The following TANC2 variants were observed in gnomAD, a reference collection of about 807,000 sequenced individuals.
The protein encoded by TANC2 is protein TANC2.
TANC2 carries 26 observed loss-of-function variants against 210.5 expected under a neutral mutation model. The observed-to-expected ratio is 0.12, with a 90% CI of 0.09 to 0.17. The LOEUF (loss-of-function observed/expected upper bound fraction) is 0.17, where lower values mean the gene tolerates loss of function less well. Among genes scored for constraint, TANC2 ranks in the 10% least tolerant of loss-of-function variants. The pLI is 1.00. For synonymous variants in TANC2, 931 were observed against 967.1 expected (o/e 0.96, Z 0.69); for missense variants, 2,129 against 2,608.9 (o/e 0.82, Z 4.01).
At chr17:63,129,253 C>T (rs1221204978) in intron 4 of TANC2, among the ~76,000 whole-genome samples, 1 of 152,256 alleles carries the variant, frequency 6.6e-6, no homozygotes, top group Admixed American at 6.5e-5. Flanking sequence ...GACCTCCTGC[C>T]TCGGCCTCCC....
chr17:63,061,526 T>C (rs2035995967), intron 2 of TANC2, among the ~76,000 whole-genome samples: 1 of 152,148 alleles, frequency 6.6e-6, no homozygotes, highest in Admixed American at 6.5e-5. Flanking sequence ...TTGAAATACA[T>C]AGTTTCAAGT....
Position 63,416,108 on chromosome 17 carries a change from A to G in TANC2, c.4167+434A>G, listed in dbSNP as rs182468289. Among the ~76,000 whole-genome samples, 66 of 152,304 alleles carry G rather than the reference A, an allele frequency of 4.3e-4. 2 individuals carry two copies. The East Asian group carries it at 0.01, about 24-fold the overall frequency. ...GAGAGGGCTTGGACCATGGTCTTGAAGGTTTAATTTCTGAGGCTATCGAAC... is the reference window on the plus strand; with the variant it reads ...GAGAGGGCTTGGACCATGGTCTTGAGGGTTTAATTTCTGAGGCTATCGAAC... On this transcript the variant is annotated intron_variant, in intron 26 of 27. Transcript: ENST00000689528.
chr17:63,295,223 T>C (rs2044498651), intron 9 of TANC2, among the ~76,000 whole-genome samples: 1 of 152,214 alleles, frequency 6.6e-6, no homozygotes, highest in African/African-American at 2.4e-5. Flanking sequence ...TGTTTTGCCA[T>C]ATGGTACTGG....
intron 2 of TANC2, among the ~76,000 whole-genome samples, chr17:63,053,648 A>G (rs1054251487): frequency 2.0e-5 from 3 of 152,188 alleles, no homozygotes; most frequent in Non-Finnish European, 4.4e-5. Flanking sequence ...TTGTGTGCCG[A>G]TGGCATATCT....
intron 4 of TANC2, chr17:63,150,303 A>C (rs1415363857): frequency 6.6e-6 from 1 of 152,190 alleles, no homozygotes; most frequent in East Asian, 1.9e-4. Context: ...TGTGCTAAGC[A>C]CTGTCACCCT....
chr17:63,351,241 C>G lies in TANC2; in HGVS notation c.1808-9C>G, dbSNP rs1188733862. The G allele has an allele frequency of 8.2e-6, 13 of 1,594,678 alleles. No homozygotes were observed. In the South Asian group the frequency reaches 1.1e-4, roughly 14 times the overall value. On this transcript the variant is annotated splice_polypyrimidine_tract_variant and intron_variant, in intron 12 of 27. Coordinates refer to ENST00000689528, the Ensembl canonical transcript of TANC2. The stretch of plus-strand genomic sequence containing the variant: ...TAATTATTAAGTAATGTGTTTCTTT[C>G]TATCTCAGAGAGAAAAATCCCAGAT...
intron 2 of TANC2, among the ~76,000 whole-genome samples, chr17:63,029,130 T>C (rs1351701175): frequency 6.6e-6 from 1 of 152,118 alleles, no homozygotes; most frequent in Admixed American, 6.6e-5. Flanking sequence ...TTATGCACCA[T>C]GTTAAGTACT....
chr17:63,012,851 G>C (rs553677141), intron 2 of TANC2, among the ~76,000 whole-genome samples: 1 of 151,816 alleles, frequency 6.6e-6, no homozygotes, highest in Non-Finnish European at 1.5e-5. Context: ...ATGAGATCTC[G>C]TTATGTTTCC....
chr17:63,126,115 A>G (rs538779960), intron 4 of TANC2, among the ~76,000 whole-genome samples: 12 of 152,216 alleles, frequency 7.9e-5, no homozygotes, highest in Non-Finnish European at 1.0e-4. Flanking sequence ...TAAGTGCTCA[A>G]TTATTGCTGT....
At chr17:63,365,232 G>A (rs1004224578) in intron 14 of TANC2, among the ~76,000 whole-genome samples, 3 of 152,082 alleles carry the variant, frequency 2.0e-5, no homozygotes, top group Non-Finnish European at 2.9e-5. Context: ...TTTCAAAAGC[G>A]GGTAGATCTC....
chr17:63,023,927 T>A (rs1039195085), intron 2 of TANC2, among the ~76,000 whole-genome samples: 3 of 152,210 alleles, frequency 2.0e-5, no homozygotes, highest in Admixed American at 6.5e-5. Flanking sequence ...AATTCTGTAA[T>A]AGTGCTTCTC....
At chr17:63,123,569 A>G (rs972511673) in intron 4 of TANC2, among the ~76,000 whole-genome samples, 1 of 151,908 alleles carries the variant, frequency 6.6e-6, no homozygotes, top group Non-Finnish European at 1.5e-5. Context: ...AAAAAAAAAA[A>G]AAGAAAAAGG....
chr17:63,081,841 G>A (rs192961729), intron 3 of TANC2, among the ~76,000 whole-genome samples: 51 of 152,216 alleles, frequency 3.4e-4, no homozygotes, highest in Middle Eastern at 6.8e-3. Context: ...TCACCTTTAT[G>A]ATAGAAAAGG....
intron 14 of TANC2, among the ~76,000 whole-genome samples, chr17:63,356,874 A>G (rs1259056790): frequency 2.0e-5 from 3 of 152,190 alleles, no homozygotes; most frequent in Non-Finnish European, 4.4e-5. Context: ...AGAGTAAAAG[A>G]AACACTTGGG....
At chr17:63,191,691 G>A (rs760864363) in intron 5 of TANC2, among the ~76,000 whole-genome samples, 1 of 152,008 alleles carries the variant, frequency 6.6e-6, no homozygotes, top group Non-Finnish European at 1.5e-5. Flanking sequence ...TTGAACTCCT[G>A]GGCTCAAGTG....
intron 1 of TANC2, among the ~76,000 whole-genome samples, chr17:62,969,069 T>C (rs1379059358): frequency 6.6e-6 from 1 of 151,866 alleles, no homozygotes; most frequent in African/African-American, 2.4e-5. Context: ...ATCCCATGAA[T>C]ACTGTATTGC....
intron 2 of TANC2, among the ~76,000 whole-genome samples, chr17:63,061,589 A>G (rs2035999623): frequency 6.6e-6 from 1 of 152,158 alleles, no homozygotes; most frequent in African/African-American, 2.4e-5. Context: ...GTATGCATAT[A>G]TGCATATTAA....
At chr17:63,403,485 ACC>A (rs2048404965) in intron 19 of TANC2, among the ~76,000 whole-genome samples, 1 of 152,172 alleles carries the variant, frequency 6.6e-6, no homozygotes, top group Non-Finnish European at 1.5e-5. Context: ...TTGTTTTCTA[ACC>A]TTTTAGAAAT....
intron 4 of TANC2, among the ~76,000 whole-genome samples, chr17:63,109,088 A>G (rs1369374308): frequency 6.6e-6 from 1 of 151,632 alleles, no homozygotes; most frequent in Non-Finnish European, 1.5e-5. Context: ...AATGTAGCCA[A>G]AGTGGTACTC....
Sources: allele counts gnomAD v4.1 joint callset (sites outside exome capture counted in the v4.1 genomes callset), GRCh38; gene constraint gnomAD v4.1.1; transcripts MANE v1.5; gene names NCBI Gene and HGNC (gene_info 2026-07-23, HGNC 2026-07-21).